The following GALNT14 variants were observed in gnomAD, a reference collection of about 807,000 sequenced individuals.
GALNT14 encodes the protein UDP-GalNAc:polypeptide N-acetylgalactosaminyltransferase 14.
Under a neutral mutation model 77.5 loss-of-function variants are expected in GALNT14, and 60 were observed. The ratio of observed to expected loss-of-function variants is 0.77; its 90% confidence interval spans 0.63 to 0.96. The LOEUF (loss-of-function observed/expected upper bound fraction) is 0.96. GALNT14 is among the 40% of genes least tolerant of loss of function. GALNT14 has a pLI of 0.00. For synonymous variants in GALNT14, 280 were observed against 281.7 expected (o/e 0.99, Z 0.06); for missense variants, 710 against 731.0 (o/e 0.97, Z 0.33).
intron 1 of GALNT14, chr2:31,073,219 T>C (rs1284159377): frequency 6.6e-6 from 1 of 152,196 alleles, no homozygotes; most frequent in African/African-American, 2.4e-5. Context: ...TGTGGGATTT[T>C]TGTGAGGTTT....
intron 3 of GALNT14, among the ~76,000 whole-genome samples, chr2:30,964,399 C>T (rs1212052330): frequency 6.6e-6 from 1 of 152,186 alleles, no homozygotes; most frequent in East Asian, 1.9e-4. Context: ...GACGCTCCTC[C>T]CCTCACCACA....
chr2:31,001,276 A>T (rs1390579655), intron 1 of GALNT14, among the ~76,000 whole-genome samples: 2 of 152,160 alleles, frequency 1.3e-5, no homozygotes, highest in African/African-American at 4.8e-5. Context: ...AAGGGTTCTG[A>T]TGCATTTCTG....
At chr2:31,066,031 C>T (rs1209389929) in intron 1 of GALNT14, among the ~76,000 whole-genome samples, 1 of 152,222 alleles carries the variant, frequency 6.6e-6, no homozygotes, top group African/African-American at 2.4e-5. Context: ...GGCTCAACTT[C>T]TCTGATTCTT....
intron 6 of GALNT14, among the ~76,000 whole-genome samples, chr2:30,953,305 C>CT (rs34668885): frequency 0.04 from 4,663 of 117,042 alleles, 198 homozygotes; most frequent in African/African-American, 0.086. Context: ...AATTTCCTTC[C>CT]TTTTTTTTTT....
At chr2:31,116,739 A>G (rs1678124817) in intron 1 of GALNT14, among the ~76,000 whole-genome samples, 1 of 152,136 alleles carries the variant, frequency 6.6e-6, no homozygotes, top group Admixed American at 6.5e-5. Context: ...AGAGAACTAT[A>G]TAACCATCAA....
the GALNT14 span, among the ~76,000 whole-genome samples, chr2:30,903,687 G>C: frequency 2.0e-5 from 3 of 152,244 alleles, no homozygotes; most frequent in Admixed American, 6.5e-5. Context: ...CCCTGAAGCA[G>C]AGGATCTCAC....
In GALNT14 at chr2:30,955,993, G is replaced by A; in HGVS notation, c.467-16C>T. 1 of 1,614,122 alleles carries A rather than the reference G, an allele frequency of 6.2e-7. No individual in the cohort carries two copies. Among genetic ancestry groups the A allele is most frequent in the Non-Finnish European group, 8.5e-7 (1 of 1,179,950 alleles). On this transcript the variant is annotated splice_polypyrimidine_tract_variant and intron_variant, in intron 4 of 14. Transcript: ENST00000349752. ...CAGTCATCAGCTGCAAAGACAAAAGGTTAAGCCAATTGAGCGCCCAGGGAT... is the reference window on the plus strand; with the variant it reads ...CAGTCATCAGCTGCAAAGACAAAAGATTAAGCCAATTGAGCGCCCAGGGAT...
chr2:31,054,219 T>C (rs1262635891), intron 1 of GALNT14, among the ~76,000 whole-genome samples: 1 of 152,230 alleles, frequency 6.6e-6, no homozygotes, highest in Non-Finnish European at 1.5e-5. Context: ...TGTACTGATT[T>C]TTTTCAAAAG....
the GALNT14 span, among the ~76,000 whole-genome samples, chr2:30,896,099 TAA>T: frequency 2.0e-5 from 3 of 152,126 alleles, no homozygotes; most frequent in Admixed American, 6.5e-5. Context: ...TCGCAGTAAA[TAA>T]AAGAGTGAAC....
intron 1 of GALNT14, among the ~76,000 whole-genome samples, chr2:31,001,127 G>T (rs1670344207): frequency 6.6e-6 from 1 of 152,062 alleles, no homozygotes; most frequent in African/African-American, 2.4e-5. Context: ...CTATCTCCAG[G>T]ACCACAGCCA....
At chr2:31,073,007 T>C (rs1675515133) in intron 1 of GALNT14, 1 of 152,164 alleles carries the variant, frequency 6.6e-6, no homozygotes, top group Non-Finnish European at 1.5e-5. Flanking sequence ...GCACAGGCAA[T>C]CTTTACAGGG....
chr2:30,892,070 A>G, the GALNT14 span, among the ~76,000 whole-genome samples: 1 of 152,184 alleles, frequency 6.6e-6, no homozygotes, highest in Admixed American at 6.5e-5. Flanking sequence ...CGATCACCCT[A>G]TGGTTCAGCT....
At chr2:31,072,598 G>A (rs1177138874) in intron 1 of GALNT14, among the ~76,000 whole-genome samples, 1 of 152,106 alleles carries the variant, frequency 6.6e-6, no homozygotes, top group East Asian at 1.9e-4. Context: ...TGCAGGTGAA[G>A]GAGACCTAGA....
chr2:30,996,014 G>A (rs1474203237), intron 1 of GALNT14, among the ~76,000 whole-genome samples: 3 of 152,158 alleles, frequency 2.0e-5, no homozygotes, highest in Admixed American at 1.3e-4. Context: ...TTCCCTCTTA[G>A]CCTTTTTGCT....
At chr2:30,896,288 C>T in the GALNT14 span, among the ~76,000 whole-genome samples, 1 of 152,176 alleles carries the variant, frequency 6.6e-6, no homozygotes, top group Non-Finnish European at 1.5e-5. Context: ...AAAGTGTTTT[C>T]CACAAGGGAC....
Position 30,942,368 on chromosome 2 carries a change from C to T in GALNT14, c.828-64G>A, listed in dbSNP as rs528973407. On this transcript the variant is annotated intron_variant, in intron 8 of 14. Transcript: ENST00000349752. ...GTGGGGAGATCACTCTCAAATTCTT[C>T]GGCCCCTTGAGTCTGAAACACCCAT... is the stretch of plus-strand genomic sequence containing the variant. 9.4e-5 allele frequency: 121 copies of T among 1,292,414 alleles called. No homozygotes were observed. The African/African-American group carries it at 1.1e-3, about 12-fold the overall frequency. 80.1% of individuals were successfully genotyped at this position (1,292,414 alleles called of 1,614,324 possible).
At chr2:30,906,422 A>C (rs1436272861), downstream of GALNT14, among the ~76,000 whole-genome samples, 3 of 148,326 alleles carry the variant, frequency 2.0e-5, no homozygotes, top group Non-Finnish European at 3.0e-5. Context: ...GTCTCTGATA[A>C]AACAGACTTT....
At chr2:30,925,444 G>C (rs1665314788) in intron 11 of GALNT14, among the ~76,000 whole-genome samples, 1 of 152,194 alleles carries the variant, frequency 6.6e-6, no homozygotes, top group African/African-American at 2.4e-5. Context: ...ACTCAGAGGG[G>C]GACCCTTGCT....
At position 31,104,276 on chromosome 2, in the gene GALNT14, C is replaced by T. The variant is rs578153455; in HGVS notation, c.129+33682G>A. ...GTAAGAACAGTACAAATTCTTACACCTCCTCCACACAAATCCTCTAGATGG... is the reference window on the plus strand; with the variant it reads ...GTAAGAACAGTACAAATTCTTACACTTCCTCCACACAAATCCTCTAGATGG... On this transcript the variant is annotated intron_variant, in intron 1 of 14. Coordinates refer to ENST00000349752, the MANE Select transcript of GALNT14 (RefSeq NM_024572.4). 4.6e-5 allele frequency among the ~76,000 whole-genome samples: 7 copies of T among 152,216 alleles called. 1 individual carries two copies. The South Asian group carries it at 1.2e-3, about 27-fold the overall frequency.
Sources: gnomAD v4.1 joint callset for allele counts (sites outside exome capture counted in the v4.1 genomes callset) on GRCh38, gnomAD v4.1.1 for gene constraint, MANE v1.5 for transcripts, NCBI Gene and HGNC (gene_info 2026-07-23, HGNC 2026-07-21) for gene names.